The following HS6ST3 variants were observed in gnomAD, a reference collection of about 807,000 sequenced individuals.
HS6ST3 encodes the protein heparan sulfate 6-O-sulfotransferase 3.
In HS6ST3, 12 loss-of-function variants were observed where a neutral mutation model predicts 36.7. The observed-to-expected ratio is 0.33, with a 90% CI of 0.21 to 0.53. The LOEUF (loss-of-function observed/expected upper bound fraction) is 0.53, where lower values mean the gene tolerates loss of function less well. HS6ST3 is among the 20% of genes least tolerant of loss of function. HS6ST3 has a pLI of 0.95. For missense variants in HS6ST3, 584 were observed against 640.9 expected (o/e 0.91, Z 0.96); for synonymous variants, 240 against 257.5 (o/e 0.93, Z 0.65).
intron 1 of HS6ST3, among the ~76,000 whole-genome samples, chr13:96,709,633 G>A (rs746320067): frequency 8.5e-4 from 129 of 152,252 alleles, no homozygotes; most frequent in Admixed American, 2.7e-3. Flanking sequence ...TAGCAAGAAG[G>A]TGGCTGTCTA....
intron 1 of HS6ST3, among the ~76,000 whole-genome samples, chr13:96,332,465 T>C (rs1483583764): frequency 1.3e-5 from 2 of 152,180 alleles, no homozygotes; most frequent in African/African-American, 2.4e-5. Flanking sequence ...CTGAAAATCT[T>C]TGTGGAGCCT....
intron 1 of HS6ST3, among the ~76,000 whole-genome samples, chr13:96,477,933 A>C (rs1171180570): frequency 6.6e-6 from 1 of 152,064 alleles, no homozygotes; most frequent in Admixed American, 6.6e-5. Flanking sequence ...TGCATACTCC[A>C]CACATACACA....
At chr13:96,542,911 TG>T (rs1759926694) in intron 1 of HS6ST3, among the ~76,000 whole-genome samples, 1 of 152,174 alleles carries the variant, frequency 6.6e-6, no homozygotes, top group Admixed American at 6.5e-5. Context: ...GTGTTCTAGA[TG>T]CTGGGAAAAT....
At chr13:96,733,310 T>A (rs1158813535) in intron 1 of HS6ST3, among the ~76,000 whole-genome samples, 1 of 152,222 alleles carries the variant, frequency 6.6e-6, no homozygotes, top group African/African-American at 2.4e-5. Context: ...ATTCCTTCAA[T>A]ATGTAATTTG....
At chr13:96,163,714 C>T (rs2054148222) in intron 1 of HS6ST3, among the ~76,000 whole-genome samples, 1 of 152,052 alleles carries the variant, frequency 6.6e-6, no homozygotes, top group African/African-American at 2.4e-5. Context: ...ATAAAAAACC[C>T]TTTTCCCCCC....
chr13:96,248,858 A>G (rs918267567), intron 1 of HS6ST3, among the ~76,000 whole-genome samples: 1 of 152,246 alleles, frequency 6.6e-6, no homozygotes, highest in Non-Finnish European at 1.5e-5. Context: ...TACAATTTAT[A>G]TAGTAGCCTG....
In HS6ST3 at chr13:96,394,311, A is replaced by G. The variant is rs140264415; in HGVS notation, c.707+302742A>G. On this transcript the variant is annotated intron_variant, in intron 1 of 1. Transcript: ENST00000376705. ...AGCTTCCCCCATTTTTGTATCTTTT[A>G]GAATGGAATGGCCACAGCTGGTAAT... is the stretch of plus-strand genomic sequence containing the variant. Among the ~76,000 whole-genome samples the G allele has an allele frequency of 4.9e-3, 618 of 126,226 alleles. 7 individuals are homozygous for G. The highest frequency in any genetic ancestry group is 0.018 in the African/African-American group (594 of 33,886). 82.8% of individuals were successfully genotyped at this position (126,226 alleles called of 152,430 possible).
At chr13:96,425,040 C>T (rs1594777258) in intron 1 of HS6ST3, among the ~76,000 whole-genome samples, 1 of 152,108 alleles carries the variant, frequency 6.6e-6, no homozygotes, top group East Asian at 1.9e-4. Flanking sequence ...TATGATCTAT[C>T]TGTCAGGAGA....
chr13:96,720,493 GA>G (rs950734051), intron 1 of HS6ST3, among the ~76,000 whole-genome samples: 6 of 149,928 alleles, frequency 4.0e-5, no homozygotes, highest in South Asian at 2.1e-4. Flanking sequence ...ATGGGGGTCG[GA>G]AAAAAAAATG....
At chr13:96,691,887 A>T (rs1268637753) in intron 1 of HS6ST3, among the ~76,000 whole-genome samples, 1 of 152,128 alleles carries the variant, frequency 6.6e-6, no homozygotes, top group East Asian at 1.9e-4. Context: ...ACTCTACAGT[A>T]GAAGAAAACA....
intron 1 of HS6ST3, among the ~76,000 whole-genome samples, chr13:96,572,562 A>T (rs2138962972): frequency 6.6e-6 from 1 of 152,094 alleles, no homozygotes; most frequent in African/African-American, 2.4e-5. Flanking sequence ...ATTTTACTTC[A>T]AAATAATTGA....
chr13:96,385,436 A>G (rs2055362901), intron 1 of HS6ST3, among the ~76,000 whole-genome samples: 1 of 152,160 alleles, frequency 6.6e-6, no homozygotes, highest in Non-Finnish European at 1.5e-5. Flanking sequence ...CTTTGGTAGT[A>G]ATTCCAGATC....
At chr13:96,529,003 A>G (rs2056125471) in intron 1 of HS6ST3, among the ~76,000 whole-genome samples, 2 of 152,114 alleles carry the variant, frequency 1.3e-5, no homozygotes, top group South Asian at 4.1e-4. Context: ...CATGGCATAT[A>G]TTTACTATTG....
intron 1 of HS6ST3, among the ~76,000 whole-genome samples, chr13:96,725,180 G>A (rs1214124302): frequency 6.6e-6 from 1 of 152,138 alleles, no homozygotes; most frequent in East Asian, 1.9e-4. Context: ...CTCTTTAGTA[G>A]TGTATCTCTT....
chr13:96,327,696 G>T (rs1381664260), intron 1 of HS6ST3, among the ~76,000 whole-genome samples: 1 of 151,894 alleles, frequency 6.6e-6, no homozygotes, highest in Non-Finnish European at 1.5e-5. Context: ...CTTTAAAGTA[G>T]TTTTTTCCAA....
chr13:96,693,199 CAT>C (rs1170413550), intron 1 of HS6ST3, among the ~76,000 whole-genome samples: 1 of 152,130 alleles, frequency 6.6e-6, no homozygotes, highest in African/African-American at 2.4e-5. Context: ...TTAATAAAAA[CAT>C]AGAAACAGAT....
chr13:96,763,868 T>A (rs908274634), intron 1 of HS6ST3, among the ~76,000 whole-genome samples: 1 of 152,196 alleles, frequency 6.6e-6, no homozygotes, highest in South Asian at 2.1e-4. Flanking sequence ...GAATGTAAGA[T>A]ACAAATCATA....
chr13:96,392,983 G>T (rs752989619), intron 1 of HS6ST3, among the ~76,000 whole-genome samples: 1 of 152,124 alleles, frequency 6.6e-6, no homozygotes, highest in Non-Finnish European at 1.5e-5. Context: ...CTATGGGAGG[G>T]ACCTGGTGGG....
At chr13:96,679,292 G>A (rs960496364) in intron 1 of HS6ST3, among the ~76,000 whole-genome samples, 1 of 151,586 alleles carries the variant, frequency 6.6e-6, no homozygotes, top group African/African-American at 2.4e-5. Context: ...AAAGTGGACT[G>A]ATGTCTGAGC....
Sources: allele counts gnomAD v4.1 joint callset (sites outside exome capture counted in the v4.1 genomes callset), GRCh38; gene constraint gnomAD v4.1.1; transcripts MANE v1.5; gene names NCBI Gene and HGNC (gene_info 2026-07-23, HGNC 2026-07-21).